MTAP: variants seen among roughly 807,000 people sequenced by gnomAD.
The protein encoded by MTAP is S-methyl-5'-thioadenosine phosphorylase.
In MTAP, 33 loss-of-function variants were observed where a neutral mutation model predicts 33.6. The ratio of observed to expected loss-of-function variants is 0.98; its 90% CI spans 0.74 to 1.31. MTAP has a LOEUF of 1.31. MTAP is among the 40% of genes most tolerant of loss of function. The pLI, the probability that MTAP is intolerant of heterozygous loss-of-function variation, is 0.00. For synonymous variants in MTAP, 148 were observed against 125.7 expected (o/e 1.18, Z -1.19); for missense variants, 367 against 360.0 (o/e 1.02, Z -0.16).
intron 1 of MTAP, among the ~76,000 whole-genome samples, chr9:21,891,586 A>G (rs1818201593): frequency 6.6e-6 from 1 of 152,186 alleles, no homozygotes; most frequent in Admixed American, 6.5e-5. Context: ...GACAAAAATA[A>G]AAAAGAATGA....
At chr9:21,878,449 T>G (rs981032360) in intron 1 of MTAP, among the ~76,000 whole-genome samples, 2 of 152,072 alleles carry the variant, frequency 1.3e-5, no homozygotes, top group Non-Finnish European at 2.9e-5. Flanking sequence ...TAATTTTAGG[T>G]GGTTAATTTG....
intron 4 of MTAP, among the ~76,000 whole-genome samples, chr9:21,831,753 T>G (rs993652420): frequency 6.6e-6 from 1 of 152,102 alleles, no homozygotes; most frequent in Non-Finnish European, 1.5e-5. Context: ...TTTTTAATAG[T>G]CTTCTTTATC....
At position 21,837,681 on chromosome 9, in the gene MTAP, C is replaced by G. The variant is rs559869036; in HGVS notation, c.348-227C>G. Among the ~76,000 whole-genome samples the G allele has an allele frequency of 3.0e-3, 451 of 152,320 alleles. 4 individuals carry two copies. The highest frequency in any genetic ancestry group is 5.0e-3 in the Admixed American group (76 of 15,300). ...CCCGTCACGGCTGCCAGACCACAGA[C>G]ACTTTAATTCTTGTTGTGCGGTGTG... On this transcript the variant is annotated intron_variant, in intron 4 of 7. Coordinates refer to ENST00000644715, the MANE Select transcript of MTAP (RefSeq NM_002451.4).
Position 21,922,267 on chromosome 9 carries a change from G to A in MTAP, c.148-8741G>A, listed in dbSNP as rs1045132159. Among the ~76,000 whole-genome samples, 5 of 151,804 alleles carry A rather than the reference G, an allele frequency of 3.3e-5. No individual in the cohort carries two copies. The highest frequency in any genetic ancestry group is 1.2e-4 in the African/African-American group (5 of 41,306). Reference sequence around the variant, plus strand: ...TGCATGTGGCCGCTCACAAGTGCTGGCAGGCCACTGTGCATGTGGATGGCC... The same window carrying A: ...TGCATGTGGCCGCTCACAAGTGCTGACAGGCCACTGTGCATGTGGATGGCC... On this transcript the variant is annotated intron_variant, in intron 1 of 1. Coordinates refer to the MTAP transcript ENST00000577563. This position sits in a 1 kb window ranked among gnomAD's most constrained non-coding sequence, Gnocchi z 4.8.
intron 4 of MTAP, among the ~76,000 whole-genome samples, chr9:21,829,880 A>G (rs112183695): frequency 2.6e-5 from 4 of 152,220 alleles, no homozygotes; most frequent in African/African-American, 9.6e-5. Context: ...GACTCTGACA[A>G]TGCTGGAAGC....
At chr9:21,880,873 C>G (rs920758002) in intron 1 of MTAP, among the ~76,000 whole-genome samples, 4 of 152,004 alleles carry the variant, frequency 2.6e-5, no homozygotes, top group East Asian at 3.9e-4. Context: ...CTATAAAAAT[C>G]TCAATGGCAT....
At chr9:21,851,660 A>T (rs1469517482) in intron 5 of MTAP, among the ~76,000 whole-genome samples, 5 of 152,160 alleles carry the variant, frequency 3.3e-5, no homozygotes, top group African/African-American at 7.2e-5. Context: ...GGATTGAAGG[A>T]TACAAAGTAT....
intron 1 of MTAP, among the ~76,000 whole-genome samples, chr9:21,918,278 A>G (rs1281588688): frequency 1.8e-5 from 2 of 111,634 alleles, no homozygotes; most frequent in Non-Finnish European, 3.2e-5. Flanking sequence ...TGAACCCGGG[A>G]GGCGGAGCTT....
intron 5 of MTAP, among the ~76,000 whole-genome samples, chr9:21,843,049 C>G (rs1825290172): frequency 6.6e-6 from 1 of 152,058 alleles, no homozygotes; most frequent in Admixed American, 6.5e-5. Context: ...CTCACAAAAA[C>G]TTAAGGTAAA....
intron 1 of MTAP, among the ~76,000 whole-genome samples, chr9:21,873,864 A>C (rs1825969521): frequency 6.6e-6 from 1 of 152,196 alleles, no homozygotes; most frequent in African/African-American, 2.4e-5. Flanking sequence ...GTATAAGTGA[A>C]AAAAGGACAT....
downstream of MTAP, chr9:21,933,471 C>A (rs1375654075): frequency 6.6e-6 from 1 of 152,210 alleles, no homozygotes. Context: ...CCATTAAGAT[C>A]TACATTTTCC....
chr9:21,856,772 G>A (rs1825652716), intron 6 of MTAP, among the ~76,000 whole-genome samples: 1 of 152,204 alleles, frequency 6.6e-6, no homozygotes, highest in Non-Finnish European at 1.5e-5. Context: ...CATTATTTCA[G>A]CCAATCGTGT....
At chr9:21,879,953 G>T (rs1484500017) in intron 1 of MTAP, among the ~76,000 whole-genome samples, 1 of 151,798 alleles carries the variant, frequency 6.6e-6, no homozygotes, top group Non-Finnish European at 1.5e-5. Flanking sequence ...TTTCTCTCTG[G>T]CTTCCTTTAA....
rs184595896 is a variant in MTAP at position 21,818,725 on chromosome 9, A to G, written c.347+523A>G. ...ACATTATATTTTGATATATGTATGCATTGTACAATGATTAGCAAAGCTAAT... is the reference window on the plus strand; with the variant it reads ...ACATTATATTTTGATATATGTATGCGTTGTACAATGATTAGCAAAGCTAAT... On this transcript the variant is annotated intron_variant, in intron 4 of 7. Coordinates refer to ENST00000644715, the MANE Select transcript of MTAP (RefSeq NM_002451.4). Among the ~76,000 whole-genome samples the G allele has an allele frequency of 2.2e-3, 338 of 152,356 alleles. 2 individuals carry two copies. Among genetic ancestry groups the G allele is most frequent in the Admixed American group, 6.2e-3 (95 of 15,308 alleles).
chr9:21,861,758 A>C, intron 7 of MTAP: 1 of 580,268 alleles, frequency 1.7e-6, no homozygotes, highest in Non-Finnish European at 3.1e-6. Flanking sequence ...TATTAACCTC[A>C]CTTTACAGGA....
rs539795775 is a variant in MTAP, at chr9:21,892,095, G to A, written c.147+37225G>A. 3 of 152,298 alleles carry A rather than the reference G, an allele frequency of 2.0e-5. No individual in the cohort carries two copies. The East Asian group carries it at 5.8e-4, about 29-fold the overall frequency. 9.4% of individuals were successfully genotyped at this position (152,298 alleles called of 1,614,324 possible). A position where few individuals can be genotyped will look rare whatever the true frequency, so the allele number is the denominator to read the frequency against. ...ATGCTAAGGGAATTTGTTACCATCA[G>A]ACTTACCATACAAGTCCTAAAGGAA... is the stretch of plus-strand genomic sequence containing the variant. On this transcript the variant is annotated intron_variant, in intron 1 of 1. Coordinates refer to the MTAP transcript ENST00000577563.
chr9:21,854,213 C>T (rs1228912683), intron 5 of MTAP, among the ~76,000 whole-genome samples: 2 of 152,344 alleles, frequency 1.3e-5, no homozygotes, highest in Admixed American at 1.3e-4. Flanking sequence ...GAACTCAACA[C>T]ACCTGTTTGA....
chr9:21,898,448 C>G (rs1818334696), intron 1 of MTAP, among the ~76,000 whole-genome samples: 1 of 152,136 alleles, frequency 6.6e-6, no homozygotes, highest in African/African-American at 2.4e-5. Flanking sequence ...AACAGGCAAT[C>G]TATGGAATGG....
At position 21,814,935 on chromosome 9, in the gene MTAP, T is replaced by C. The variant is rs376495159; in HGVS notation, c.34-498T>C. Reference sequence around the variant, plus strand: ...GATTCTAATGGCGTGGGAAAGATAATCTCTCATTTCTTTATCAAATAGAAC... The same window carrying C: ...GATTCTAATGGCGTGGGAAAGATAACCTCTCATTTCTTTATCAAATAGAAC... On this transcript the variant is annotated intron_variant, in intron 1 of 7. Coordinates refer to ENST00000644715, the MANE Select transcript of MTAP (RefSeq NM_002451.4). Among the ~76,000 whole-genome samples the C allele has an allele frequency of 3.0e-4, 45 of 152,348 alleles. 1 individual carries two copies. The South Asian group carries it at 8.1e-3, about 27-fold the overall frequency.
Sources: allele counts gnomAD v4.1 joint callset (sites outside exome capture counted in the v4.1 genomes callset), GRCh38; gene constraint gnomAD v4.1.1; non-coding constraint Gnocchi (gnomAD v3.1); transcripts MANE v1.5; gene names NCBI Gene and HGNC (gene_info 2026-07-23, HGNC 2026-07-21).